NUP35: variants seen among roughly 807,000 people sequenced by gnomAD.
The protein encoded by NUP35 is nucleoporin 35.
NUP35 carries 25 observed loss-of-function variants against 41.5 expected under a neutral mutation model. The ratio of observed to expected loss-of-function variants is 0.60; its 90% CI spans 0.44 to 0.84. The LOEUF (loss-of-function observed/expected upper bound fraction) is 0.84, where lower values mean the gene tolerates loss of function less well. NUP35 is among the 40% of genes least tolerant of loss of function. The pLI, the probability that NUP35 is intolerant of heterozygous loss-of-function variation, is 0.00. For synonymous variants in NUP35, 149 were observed against 130.7 expected (o/e 1.14, Z -0.96); for missense variants, 396 against 396.6 (o/e 1.00, Z 0.01).
At chr2:183,159,166 ATTC>A (rs1685778687) in intron 7 of NUP35, among the ~76,000 whole-genome samples, 1 of 152,132 alleles carries the variant, frequency 6.6e-6, no homozygotes, top group African/African-American at 2.4e-5. Flanking sequence ...CTGGAGTTTG[ATTC>A]TTTCCAATCC....
chr2:183,146,557 G>T (rs1575128276), intron 4 of NUP35, among the ~76,000 whole-genome samples: 1 of 151,932 alleles, frequency 6.6e-6, no homozygotes, highest in East Asian at 1.9e-4. Context: ...AGCATATAAG[G>T]GTTCCCTCTG....
Position 183,158,294 on chromosome 2 carries a change from A to G in NUP35, c.621A>G (p.Thr207=), listed in dbSNP as rs766433144. 3.1e-6 allele frequency: 5 copies of G among 1,588,320 alleles called. No homozygotes were observed. The highest frequency in any genetic ancestry group is 4.3e-6 in the Non-Finnish European group (5 of 1,165,254). ...TTTATTCTTTGCAGATGTCTAATAC[A>G]GGAAATTGGATGCATATTCGTTATC... ...GNILKHVMSN[T]GNWMHIRYQS... is the part of the protein sequence containing the mutation. The change falls in exon 7 of 9, where the codon ACA becomes ACG. Residue 207 remains threonine (T), a synonymous_variant. Coordinates refer to ENST00000295119, the MANE Select transcript of NUP35 (RefSeq NM_138285.5).
intron 8 of NUP35, 27 bp from the exon 9 acceptor site, chr2:183,161,027 G>GT (rs746520135): frequency 1.1e-4 from 175 of 1,565,522 alleles, no homozygotes; most frequent in Admixed American, 1.7e-4. Flanking sequence ...TAACCTAACC[G>GT]TTTTTTTTGT....
exon 1 of NUP35, chr2:183,117,533 G>A (rs545261235): frequency 1.2e-4 from 18 of 152,358 alleles, no homozygotes; most frequent in African/African-American, 4.3e-4. Flanking sequence ...GCTGAAGGCT[G>A]AGACGGTGAG....
upstream of NUP35, among the ~76,000 whole-genome samples, chr2:183,121,643 C>A (rs1700068526): frequency 6.6e-6 from 1 of 151,696 alleles, no homozygotes. Flanking sequence ...ACCATCCTGG[C>A]CAACATGGTA....
intron 4 of NUP35, among the ~76,000 whole-genome samples, chr2:183,140,084 C>T (rs1286097466): frequency 6.6e-6 from 1 of 152,174 alleles, no homozygotes; most frequent in Non-Finnish European, 1.5e-5. Context: ...CTTATTGCTG[C>T]TGAACCATAT....
rs1191791779 is a variant in NUP35, at chr2:183,130,531, A to C, written c.325A>C (p.Thr109Pro). The C allele has an allele frequency of 4.3e-6, 7 of 1,613,582 alleles. No homozygotes were observed. In the South Asian group the frequency reaches 7.7e-5, roughly 18 times the overall value. Reference sequence around the variant, plus strand: ...CCCAGGACTTGGATCAACACCTTTAACTTCAAGAAGACAGGTAATATAAAT... The same window carrying C: ...CCCAGGACTTGGATCAACACCTTTACCTTCAAGAAGACAGGTAATATAAAT... Reference protein sequence around the residue: ...SSPGLGSTPLTSRRQPNISVM... With the variant: ...SSPGLGSTPLPSRRQPNISVM... The change falls in exon 3 of 9, where the codon ACT becomes CCT. Residue 109 changes from threonine to proline, a missense_variant. By Grantham distance (38) the Thr-to-Pro change is conservative. Transcript: ENST00000295119.
chr2:183,153,032 G>C (rs1685524349), intron 5 of NUP35, among the ~76,000 whole-genome samples: 1 of 152,086 alleles, frequency 6.6e-6, no homozygotes, highest in African/African-American at 2.4e-5. Flanking sequence ...CTTACATGAC[G>C]GTGTCAAGAG....
rs570154560 is a variant in NUP35, at chr2:183,153,192, C to G, written c.539+1543C>G. On this transcript the variant is annotated intron_variant, in intron 5 of 8. Transcript: ENST00000295119. ...TTCCTCCCACAACACATGGGAATTC[C>G]GGGAGATATAATTTGAGTTGAGATG... Among the ~76,000 whole-genome samples the G allele has an allele frequency of 9.2e-5, 14 of 152,136 alleles. No homozygotes were observed. In the East Asian group the frequency reaches 2.7e-3, roughly 29 times the overall value.
chr2:183,149,971 A>G (rs1685408203), intron 4 of NUP35, among the ~76,000 whole-genome samples: 3 of 151,874 alleles, frequency 2.0e-5, no homozygotes, highest in African/African-American at 7.3e-5. Flanking sequence ...CAGTGGTGCT[A>G]TCTCAGCTCA....
chr2:183,153,393 C>T (rs1303450606), intron 5 of NUP35, among the ~76,000 whole-genome samples: 1 of 152,148 alleles, frequency 6.6e-6, no homozygotes, highest in Non-Finnish European at 1.5e-5. Context: ...TCCCTTCCAC[C>T]TATGAGCCTG....
intron 4 of NUP35, among the ~76,000 whole-genome samples, chr2:183,143,489 T>C (rs1310413036): frequency 1.3e-5 from 2 of 152,222 alleles, no homozygotes; most frequent in African/African-American, 4.8e-5. Flanking sequence ...ATGCCTAAGC[T>C]GGTGTTCTGA....
chr2:183,143,233 AG>A (rs1685164703), intron 4 of NUP35, among the ~76,000 whole-genome samples: 1 of 149,804 alleles, frequency 6.7e-6, no homozygotes, highest in Non-Finnish European at 1.5e-5. Context: ...GGTTAATAGC[AG>A]TCTTTTTTAT....
intron 5 of NUP35, among the ~76,000 whole-genome samples, chr2:183,153,660 A>G (rs2105608353): frequency 6.6e-6 from 1 of 152,222 alleles, no homozygotes; most frequent in East Asian, 1.9e-4. Context: ...GTGGCTTTGC[A>G]GGGTACAGCC....
chr2:183,128,820 C>G (rs1265114323), intron 2 of NUP35, among the ~76,000 whole-genome samples: 1 of 152,010 alleles, frequency 6.6e-6, no homozygotes, highest in Non-Finnish European at 1.5e-5. Flanking sequence ...TAAAGCAAAG[C>G]TTTTAAGGCT....
chr2:183,138,269 A>ATATATATATTTT, intron 4 of NUP35, among the ~76,000 whole-genome samples: 13 of 80,684 alleles, frequency 1.6e-4, no homozygotes, highest in African/African-American at 7.4e-4. Context: ...ATATATATAT[A>ATATATATATTTT]TTTTTTTTTT....
At chr2:183,119,797 G>A (rs555679819), upstream of NUP35, among the ~76,000 whole-genome samples, 6 of 152,020 alleles carry the variant, frequency 3.9e-5, no homozygotes, top group Non-Finnish European at 8.8e-5. Flanking sequence ...TGATCCTCCC[G>A]CCTCAGCCTC....
chr2:183,133,639 T>C lies in NUP35; in HGVS notation c.397+16T>C, dbSNP rs1314823567. 1 of 58,804 alleles carries C rather than the reference T, an allele frequency of 1.7e-5. No individual in the cohort carries two copies. Among genetic ancestry groups the C allele is most frequent in the Non-Finnish European group, 3.0e-5 (1 of 32,912 alleles). The allele number at this position is 58,804 out of a possible 1,614,324, so 3.6% of individuals were successfully genotyped here. A position where few individuals can be genotyped will look rare whatever the true frequency, so the allele number is the denominator to read the frequency against. ...CCTGGAACAGGTAAGTGATTCTTTC[T>C]TTTTTTTTTTTTTTTTAAAAGACAG... On this transcript the variant is annotated intron_variant, in intron 4 of 8. Transcript: ENST00000295119.
chr2:183,137,451 G>T (rs1022495332), intron 4 of NUP35, among the ~76,000 whole-genome samples: 6 of 152,126 alleles, frequency 3.9e-5, no homozygotes, highest in Non-Finnish European at 8.8e-5. Flanking sequence ...CTGGCATGGT[G>T]GCACACACCT....
Sources: allele counts gnomAD v4.1 joint callset (sites outside exome capture counted in the v4.1 genomes callset), GRCh38; gene constraint gnomAD v4.1.1; transcripts MANE v1.5; gene names NCBI Gene and HGNC (gene_info 2026-07-23, HGNC 2026-07-21).